PAPSS2: variants seen among roughly 807,000 people sequenced by gnomAD.
The protein encoded by PAPSS2 is bifunctional 3'-phosphoadenosine 5'-phosphosulfate synthase 2.
PAPSS2 carries 61 observed loss-of-function variants against 66.5 expected under a neutral mutation model. That is an observed-to-expected ratio of 0.92 (90% CI 0.75 to 1.14). The LOEUF is 1.14. Ranked by LOEUF, PAPSS2 falls within the 50% of genes most tolerant of loss-of-function variation. PAPSS2 has a pLI of 0.00. For missense variants in PAPSS2, 708 were observed against 789.6 expected (o/e 0.90, Z 1.24); for synonymous variants, 289 against 287.5 (o/e 1.01, Z -0.05).
intron 4 of PAPSS2, among the ~76,000 whole-genome samples, chr10:87,714,507 A>G (rs904888428): frequency 6.6e-6 from 1 of 152,244 alleles, no homozygotes; most frequent in Non-Finnish European, 1.5e-5. Flanking sequence ...GTAATCATCT[A>G]TAGAGGGCTT....
chr10:87,744,019 T>C (rs1481037218), intron 11 of PAPSS2, among the ~76,000 whole-genome samples: 1 of 152,120 alleles, frequency 6.6e-6, no homozygotes, highest in African/African-American at 2.4e-5. Flanking sequence ...GGAGAATCGC[T>C]TGAACCTGGG....
intron 8 of PAPSS2, among the ~76,000 whole-genome samples, chr10:87,724,273 AG>A (rs778816065): frequency 6.6e-6 from 1 of 151,906 alleles, no homozygotes; most frequent in Non-Finnish European, 1.5e-5. Flanking sequence ...AAAAAAAAAA[AG>A]TATTCACTCA....
chr10:87,710,856 A>G (rs1426754031), intron 2 of PAPSS2, among the ~76,000 whole-genome samples: 1 of 152,100 alleles, frequency 6.6e-6, no homozygotes, highest in African/African-American at 2.4e-5. Context: ...GACAAAAATT[A>G]GCCAGGCGTG....
chr10:87,701,884 A>G (rs906382311), intron 1 of PAPSS2, among the ~76,000 whole-genome samples: 1 of 152,222 alleles, frequency 6.6e-6, no homozygotes, highest in Non-Finnish European at 1.5e-5. Context: ...AAAACAGTAA[A>G]AATACAAACA....
At chr10:87,683,690 A>G (rs1477177300) in intron 1 of PAPSS2, among the ~76,000 whole-genome samples, 1 of 122,082 alleles carries the variant, frequency 8.2e-6, no homozygotes, top group Non-Finnish European at 1.7e-5. Context: ...TTGAGATAAA[A>G]TCTTTTTTTT....
intron 1 of PAPSS2, among the ~76,000 whole-genome samples, chr10:87,672,098 A>G (rs1487667378): frequency 6.6e-6 from 1 of 152,212 alleles, no homozygotes; most frequent in African/African-American, 2.4e-5. Flanking sequence ...AAGTATTACA[A>G]ATCATAGATT....
At chr10:87,730,547 C>A (rs1211937074) in intron 9 of PAPSS2, among the ~76,000 whole-genome samples, 7 of 152,204 alleles carry the variant, frequency 4.6e-5, no homozygotes, top group African/African-American at 1.7e-4. Context: ...TTAGAGAAAG[C>A]CTGGCTGTAT....
chr10:87,702,554 G>A (rs1253081644), intron 1 of PAPSS2, among the ~76,000 whole-genome samples: 4 of 152,142 alleles, frequency 2.6e-5, no homozygotes, highest in African/African-American at 7.2e-5. Context: ...TTTGGAACAC[G>A]TTTAATCAGC....
At chr10:87,704,064 C>T (rs534127719) in intron 1 of PAPSS2, 12 of 490,182 alleles carry the variant, frequency 2.4e-5, no homozygotes, top group Non-Finnish European at 4.9e-5. Context: ...CACTCTGCCC[C>T]CTTGCAGTTC....
At chr10:87,736,038 A>C (rs1190862209) in intron 9 of PAPSS2, among the ~76,000 whole-genome samples, 2 of 152,046 alleles carry the variant, frequency 1.3e-5, no homozygotes, top group Admixed American at 1.3e-4. Context: ...ATTTCAGGTA[A>C]CCAAGTTGTA....
At chr10:87,681,637 A>T (rs1019650998) in intron 1 of PAPSS2, among the ~76,000 whole-genome samples, 3 of 152,232 alleles carry the variant, frequency 2.0e-5, no homozygotes, top group Non-Finnish European at 2.9e-5. Context: ...AACCATGATC[A>T]CACTCTAATT....
At chr10:87,705,661 T>C (rs1853373202) in intron 1 of PAPSS2, among the ~76,000 whole-genome samples, 1 of 152,226 alleles carries the variant, frequency 6.6e-6, no homozygotes, top group Non-Finnish European at 1.5e-5. Context: ...TTACTGGCCT[T>C]GTGTATGTCT....
chr10:87,700,588 G>C (rs938055412), intron 1 of PAPSS2, among the ~76,000 whole-genome samples: 1 of 151,588 alleles, frequency 6.6e-6, no homozygotes, highest in Non-Finnish European at 1.5e-5. Context: ...AGCCGGAGAC[G>C]TGGAGGCGGC....
chr10:87,661,182 AGT>A, intron 1 of PAPSS2: 1 of 381,696 alleles, frequency 2.6e-6, no homozygotes, highest in South Asian at 2.0e-5. Flanking sequence ...GTGGGGAAGG[AGT>A]GTGGAGGGGC....
chr10:87,662,126 G>T (rs756063980), intron 1 of PAPSS2, among the ~76,000 whole-genome samples: 1 of 152,144 alleles, frequency 6.6e-6, no homozygotes, highest in Non-Finnish European at 1.5e-5. Context: ...GATCTTTTAC[G>T]GTCTTATAGG....
At chr10:87,690,624 A>G (rs1294715336) in intron 1 of PAPSS2, among the ~76,000 whole-genome samples, 2 of 152,182 alleles carry the variant, frequency 1.3e-5, no homozygotes, top group African/African-American at 2.4e-5. Context: ...ATCTGGGGGA[A>G]TTTCAGGGGT....
At chr10:87,700,011 A>G (rs1853283102) in intron 1 of PAPSS2, among the ~76,000 whole-genome samples, 1 of 152,156 alleles carries the variant, frequency 6.6e-6, no homozygotes, top group African/African-American at 2.4e-5. Flanking sequence ...CATGATTTTC[A>G]GACTTTTTTC....
chr10:87,706,098 A>ATATATATATATATATATATATATATATG (rs1853382082), intron 1 of PAPSS2, among the ~76,000 whole-genome samples: 1 of 83,384 alleles, frequency 1.2e-5, no homozygotes, highest in Admixed American at 1.2e-4. Flanking sequence ...ATATATATAT[A>ATATATATATATATATATATATATATATG]TATATATATA....
chr10:87,697,450 C>A (rs1589428110), intron 1 of PAPSS2, among the ~76,000 whole-genome samples: 1 of 152,292 alleles, frequency 6.6e-6, no homozygotes, highest in East Asian at 1.9e-4. Flanking sequence ...ACCTGGAGGG[C>A]ACCAAGGAGG....
Sources: allele counts gnomAD v4.1 joint callset (sites outside exome capture counted in the v4.1 genomes callset), GRCh38; gene constraint gnomAD v4.1.1; transcripts MANE v1.5; gene names NCBI Gene and HGNC (gene_info 2026-07-23, HGNC 2026-07-21).